The following CAMK1G variants were observed in gnomAD, a reference collection of about 807,000 sequenced individuals.
CAMK1G encodes the protein calcium/calmodulin dependent protein kinase IG.
Under a neutral mutation model 54.8 loss-of-function variants are expected in CAMK1G, and 27 were observed. The observed-to-expected ratio is 0.49, with a 90% CI of 0.36 to 0.68. CAMK1G has a LOEUF of 0.68. Among genes scored for constraint, CAMK1G ranks in the 30% least tolerant of loss-of-function variants. The pLI is 0.00. For synonymous variants in CAMK1G, 238 were observed against 224.9 expected (o/e 1.06, Z -0.52); for missense variants, 512 against 591.0 (o/e 0.87, Z 1.39).
At chr1:209,605,373 G>A (rs1665621786) in intron 4 of CAMK1G, 163 bp from the exon 5 acceptor site, 2 of 245,518 alleles carry the variant, frequency 8.1e-6, no homozygotes, top group South Asian at 3.0e-4. Context: ...CCCAGAGTGG[G>A]TGTTCTGAGA....
rs1251323365 is a variant in CAMK1G, at chr1:209,611,997, C to A, written c.1121C>A (p.Pro374His). ...GCACTCCCTGCCCTGACCCAATTAC[C>A]CTGCCAGCATGGCCGCCGGCCCACT... is the stretch of plus-strand genomic sequence containing the variant. ...SVALPALTQL[P>H]CQHGRRPTAP... is the part of the protein sequence containing the mutation. The change falls in exon 11 of 13, where the codon CCC becomes CAC. Residue 374 changes from proline (P) to histidine (H), a missense_variant. Transcript: ENST00000361322. 2 of 1,614,262 alleles carry A rather than the reference C, an allele frequency of 1.2e-6. No individual in the cohort carries two copies. Among genetic ancestry groups the A allele is most frequent in the Non-Finnish European group, 1.7e-6 (2 of 1,180,048 alleles).
chr1:209,612,594 G>A (rs1665810102), intron 11 of CAMK1G, among the ~76,000 whole-genome samples, 191 bp from the exon 12 acceptor site: 1 of 152,192 alleles, frequency 6.6e-6, no homozygotes, highest in Non-Finnish European at 1.5e-5. Flanking sequence ...CAGGGCCTCT[G>A]TGCTTTGCAG....
chr1:209,599,896 C>G (rs962762546), intron 2 of CAMK1G, 87 bp from the exon 3 acceptor site: 2 of 1,513,968 alleles, frequency 1.3e-6, no homozygotes, highest in African/African-American at 2.8e-5. Context: ...TATATAGACT[C>G]TGTTACGTCC....
intron 2 of CAMK1G, among the ~76,000 whole-genome samples, chr1:209,595,666 T>C (rs1665361661): frequency 6.6e-6 from 1 of 152,136 alleles, no homozygotes; most frequent in African/African-American, 2.4e-5. Context: ...CTTCTTCTGC[T>C]CTAACTGGAA....
chr1:209,603,043 T>A (rs1665567407), intron 3 of CAMK1G, among the ~76,000 whole-genome samples, 171 bp from the exon 4 acceptor site: 2 of 152,232 alleles, frequency 1.3e-5, no homozygotes, highest in Non-Finnish European at 2.9e-5. Context: ...AGGAATCTTT[T>A]CTCTGGGATT....
rs200976229 is a variant in CAMK1G at position 209,612,220 on chromosome 1, C to T, written c.1340+4C>T. 1.3e-4 allele frequency: 202 copies of T among 1,610,506 alleles called. 1 individual carries two copies. Among genetic ancestry groups the T allele is most frequent in the South Asian group, 1.0e-3 (93 of 91,012 alleles). On this transcript the variant is annotated splice_donor_region_variant and intron_variant, in intron 11 of 12. Transcript: ENST00000361322. Reference sequence around the variant, plus strand: ...TCAAAAAGGCCAACAAAAAACAGTACGTATTTTTAGCCAAAGATGGAGCCC... The same window carrying T: ...TCAAAAAGGCCAACAAAAAACAGTATGTATTTTTAGCCAAAGATGGAGCCC...
chr1:209,606,692 C>T (rs1345754918), intron 6 of CAMK1G, among the ~76,000 whole-genome samples: 2 of 152,162 alleles, frequency 1.3e-5, no homozygotes, highest in Admixed American at 6.5e-5. Flanking sequence ...TATGCTTTGG[C>T]TCTCATTTCT....
At chr1:209,601,533 G>T (rs74958395) in intron 3 of CAMK1G, among the ~76,000 whole-genome samples, 1 of 152,182 alleles carries the variant, frequency 6.6e-6, no homozygotes, top group South Asian at 2.1e-4. Flanking sequence ...CACAGGTCTA[G>T]GATCCAGGGA....
At chr1:209,592,117 T>C (rs1193265923) in intron 1 of CAMK1G, among the ~76,000 whole-genome samples, 3 of 151,942 alleles carry the variant, frequency 2.0e-5, no homozygotes, top group Non-Finnish European at 4.4e-5. Context: ...GGGGCGAAGA[T>C]GGGAGGGTCA....
Sources: allele counts gnomAD v4.1 joint callset (sites outside exome capture counted in the v4.1 genomes callset), GRCh38; gene constraint gnomAD v4.1.1; transcripts MANE v1.5; gene names NCBI Gene and HGNC (gene_info 2026-07-23, HGNC 2026-07-21).